The following SVIL variants were observed in gnomAD, a reference collection of about 807,000 sequenced individuals.
The protein encoded by SVIL is supervillin.
In SVIL, 101 loss-of-function variants were observed where a neutral mutation model predicts 240.4. That is an observed-to-expected ratio of 0.42 (90% CI 0.36 to 0.50). The LOEUF (loss-of-function observed/expected upper bound fraction) is 0.50. SVIL is among the 20% of genes least tolerant of loss of function. SVIL has a pLI of 0.01. For synonymous variants in SVIL, 999 were observed against 1,100.0 expected, an observed-to-expected ratio of 0.91 and a Z score of 1.82; for missense variants, 2,512 against 2,818.7, an observed-to-expected ratio of 0.89 and a Z score of 2.46.
At chr10:29,506,793 T>TGAGGGAGGGGACAGAGGCCCTAC (rs1564535834) in intron 17 of SVIL, among the ~76,000 whole-genome samples, 5 of 90,108 alleles carry the variant, frequency 5.5e-5, no homozygotes, top group Admixed American at 1.2e-4. Flanking sequence ...AGAGGCCCTA[T>TGAGGGAGGGGACAGAGGCCCTAC]GAGGGAGGGG....
chr10:29,608,894 T>A (rs1957129531), intron 1 of SVIL, among the ~76,000 whole-genome samples: 1 of 152,154 alleles, frequency 6.6e-6, no homozygotes, highest in African/African-American at 2.4e-5. Flanking sequence ...CCGTTCCAGG[T>A]GGAGTCCGCA....
At chr10:29,690,760 C>A (rs553325225) in intron 1 of SVIL, among the ~76,000 whole-genome samples, 3 of 152,084 alleles carry the variant, frequency 2.0e-5, no homozygotes, top group South Asian at 4.1e-4. Context: ...CTATTTCATT[C>A]GAACACAACC....
intron 3 of SVIL, among the ~76,000 whole-genome samples, chr10:29,645,249 G>T (rs1439319411): frequency 6.6e-6 from 1 of 151,920 alleles, no homozygotes; most frequent in Non-Finnish European, 1.5e-5. Flanking sequence ...CTTCTCCAAA[G>T]AAAAGCCTCA....
chr10:29,462,622 C>T (rs1299401806), intron 35 of SVIL, among the ~76,000 whole-genome samples: 1 of 152,172 alleles, frequency 6.6e-6, no homozygotes, highest in Non-Finnish European at 1.5e-5. Flanking sequence ...TGAGTCTATA[C>T]TTCTTGAACC....
At chr10:29,585,068 A>G (rs1347439244) in intron 1 of SVIL, among the ~76,000 whole-genome samples, 1 of 148,884 alleles carries the variant, frequency 6.7e-6, no homozygotes, top group Non-Finnish European at 1.5e-5. Flanking sequence ...TGCTCAGCTA[A>G]TATTTTTATT....
intron 1 of SVIL, among the ~76,000 whole-genome samples, chr10:29,574,261 C>T (rs1349057643): frequency 1.2e-4 from 19 of 152,130 alleles, no homozygotes. Context: ...TGCGAACCTG[C>T]TTTAGGAGAA....
chr10:29,714,653 G>T (rs1963505156), intron 1 of SVIL, among the ~76,000 whole-genome samples: 1 of 152,044 alleles, frequency 6.6e-6, no homozygotes, highest in Non-Finnish European at 1.5e-5. Flanking sequence ...AGTTTAGGAG[G>T]ATCAGAGACA....
At chr10:29,688,434 C>T (rs144976510) in intron 1 of SVIL, among the ~76,000 whole-genome samples, 379 of 152,350 alleles carry the variant, frequency 2.5e-3, no homozygotes, top group Non-Finnish European at 4.0e-3. Flanking sequence ...ATTTCTGCCT[C>T]GTTCCCTGCT....
chr10:29,602,350 C>T (rs1251079074), intron 1 of SVIL: 1 of 519,226 alleles, frequency 1.9e-6, no homozygotes, highest in East Asian at 5.5e-5. Flanking sequence ...CACCTTCCAA[C>T]ATGCCGTACC....
At chr10:29,637,392 C>CA (rs1230059536), upstream of SVIL, among the ~76,000 whole-genome samples, 1 of 152,112 alleles carries the variant, frequency 6.6e-6, no homozygotes, top group African/African-American at 2.4e-5. Flanking sequence ...GAGGCTAAGG[C>CA]AGGAGCATCG....
At position 29,700,658 on chromosome 10, in the gene SVIL, G is replaced by A. The variant is rs571542599; in HGVS notation, c.-399-14007C>T. Among the ~76,000 whole-genome samples the A allele has an allele frequency of 1.9e-3, 294 of 152,014 alleles. 5 individuals carry two copies. Among genetic ancestry groups the A allele is most frequent in the Non-Finnish European group, 2.8e-4 (19 of 67,980 alleles). ...ACTAGTTTTTTGTATTTTTAGTAGA[G>A]ACGGGGTTTCACCACTGTGTTAGCC... On this transcript the variant is annotated intron_variant, in intron 1 of 35. Transcript: ENST00000375400.
chr10:29,635,534 C>A (rs1179718426), upstream of SVIL, among the ~76,000 whole-genome samples: 1 of 152,190 alleles, frequency 6.6e-6, no homozygotes, highest in African/African-American at 2.4e-5. Context: ...AAAGTCAGTC[C>A]TCTGAACTGG....
intron 1 of SVIL, among the ~76,000 whole-genome samples, chr10:29,730,475 C>T (rs1964555317): frequency 6.6e-6 from 1 of 152,174 alleles, no homozygotes; most frequent in South Asian, 2.1e-4. Context: ...TCCTCATCTC[C>T]AAGATGGAAA....
At chr10:29,551,405 C>G in intron 5 of SVIL, 142 bp from the exon 6 acceptor site, 1 of 785,558 alleles carries the variant, frequency 1.3e-6, no homozygotes, top group Non-Finnish European at 2.0e-6. Flanking sequence ...GTGTGTTTGC[C>G]TAAACTGATT....
In SVIL at chr10:29,532,582, G is replaced by A. The variant is rs1564588941; in HGVS notation, c.1785C>T (p.Ala595=). The A allele has an allele frequency of 1.2e-6, 2 of 1,613,662 alleles. No homozygotes were observed. Among genetic ancestry groups the A allele is most frequent in the African/African-American group, 2.7e-5 (2 of 74,918 alleles). The part of the protein sequence containing the change: ...ISMLDTKVSV[A]QLRSAFLASA... ...ATGCCAGGAACGCACTTCGGAGCTG[G>A]GCGACAGAGACTTTTGTGTCCAGCA... The change falls in exon 8 of 38, where the codon GCC becomes GCT. Residue 595 remains alanine, a synonymous_variant. Coordinates refer to ENST00000355867, the MANE Select transcript of SVIL (RefSeq NM_021738.3).
intron 1 of SVIL, among the ~76,000 whole-genome samples, chr10:29,696,521 G>A (rs1223232421): frequency 6.6e-6 from 1 of 150,854 alleles, no homozygotes; most frequent in African/African-American, 2.4e-5. Flanking sequence ...GCCTCGTCCC[G>A]GCCACCATCC....
At chr10:29,492,515 G>A (rs1207658986) in intron 21 of SVIL, among the ~76,000 whole-genome samples, 2 of 151,952 alleles carry the variant, frequency 1.3e-5, no homozygotes, top group African/African-American at 4.8e-5. Flanking sequence ...GCACTGTTCA[G>A]TGGCTGAGCC....
intron 27 of SVIL, among the ~76,000 whole-genome samples, chr10:29,481,977 T>C (rs1408023953): frequency 1.3e-5 from 2 of 151,954 alleles, no homozygotes; most frequent in Non-Finnish European, 2.9e-5. Context: ...ATGAACCATG[T>C]CAGGACTAGA....
chr10:29,464,506 C>T (rs190938764), intron 34 of SVIL, among the ~76,000 whole-genome samples: 1,556 of 152,206 alleles, frequency 0.01, 11 homozygotes, highest in Middle Eastern at 0.017. Flanking sequence ...ACCTTTTTCT[C>T]CTCCTCAAAT....
Sources: allele counts gnomAD v4.1 joint callset (sites outside exome capture counted in the v4.1 genomes callset), GRCh38; gene constraint gnomAD v4.1.1; transcripts MANE v1.5; gene names NCBI Gene and HGNC (gene_info 2026-07-23, HGNC 2026-07-21).